The following RORA variants were observed in gnomAD, a reference collection of about 807,000 sequenced individuals.
The protein encoded by RORA is nuclear receptor ROR-alpha.
In RORA, 7 loss-of-function variants were observed where a neutral mutation model predicts 69.5. The ratio of observed to expected loss-of-function variants is 0.10; its 90% confidence interval spans 0.06 to 0.19. RORA has a LOEUF of 0.19. Among genes scored for constraint, RORA ranks in the 10% least tolerant of loss-of-function variants. The pLI, the probability that RORA is intolerant of heterozygous loss-of-function variation, is 1.00. For missense variants in RORA, 457 were observed against 663.0 expected (o/e 0.69, Z 3.41); for synonymous variants, 261 against 240.8 (o/e 1.08, Z -0.78).
intron 1 of RORA, among the ~76,000 whole-genome samples, chr15:61,045,183 T>C (rs905201248): frequency 6.6e-6 from 1 of 151,874 alleles, no homozygotes; most frequent in African/African-American, 2.4e-5. Flanking sequence ...ATCATGGGGG[T>C]GGGTCTTTCC....
intron 1 of RORA, among the ~76,000 whole-genome samples, chr15:60,991,255 A>G (rs1894367764): frequency 1.3e-5 from 2 of 149,602 alleles, no homozygotes. Flanking sequence ...TAAAGCAAGT[A>G]GAAACTGTTT....
intron 3 of RORA, among the ~76,000 whole-genome samples, chr15:60,522,448 G>A (rs533320241): frequency 6.6e-6 from 1 of 152,062 alleles, no homozygotes; most frequent in African/African-American, 2.4e-5. Flanking sequence ...AGTGGCTCAT[G>A]CCTGTAATCC....
intron 1 of RORA, among the ~76,000 whole-genome samples, chr15:60,767,705 T>C (rs1341124413): frequency 6.6e-5 from 10 of 152,232 alleles, no homozygotes; most frequent in Non-Finnish European, 1.5e-4. Flanking sequence ...TGTGTTTGTG[T>C]ATTCTATTCC....
chr15:61,195,181 T>C (rs1161357277), intron 1 of RORA, among the ~76,000 whole-genome samples: 1 of 152,140 alleles, frequency 6.6e-6, no homozygotes, highest in Non-Finnish European at 1.5e-5. Flanking sequence ...GATTTTAGGT[T>C]GTCAGCTGTT....
intron 1 of RORA, among the ~76,000 whole-genome samples, chr15:60,910,109 T>C (rs1003040741): frequency 5.9e-5 from 9 of 152,202 alleles, no homozygotes; most frequent in Admixed American, 5.9e-4. Context: ...GGTGTTTTTG[T>C]CCATAGGATG....
At chr15:61,224,577 C>T (rs2080128914) in intron 1 of RORA, among the ~76,000 whole-genome samples, 1 of 152,114 alleles carries the variant, frequency 6.6e-6, no homozygotes, top group Non-Finnish European at 1.5e-5. Flanking sequence ...AACATGGTAC[C>T]GCAAGCTCCT....
intron 2 of RORA, among the ~76,000 whole-genome samples, chr15:60,628,080 C>T (rs539880233): frequency 6.6e-6 from 1 of 152,250 alleles, no homozygotes; most frequent in Non-Finnish European, 1.5e-5. Flanking sequence ...TATTGCTTTA[C>T]TATGGTGTGT....
At chr15:60,608,212 G>A (rs1440276912) in intron 2 of RORA, among the ~76,000 whole-genome samples, 2 of 152,184 alleles carry the variant, frequency 1.3e-5, no homozygotes, top group African/African-American at 4.8e-5. Context: ...CATGGACGCG[G>A]AGCTCAGATG....
intron 1 of RORA, 103 bp downstream of exon 1, chr15:61,228,950 C>T (rs2080174449): frequency 5.5e-6 from 2 of 362,448 alleles, no homozygotes; most frequent in South Asian, 1.1e-4. Context: ...CAGGCTCGCG[C>T]GCGGCCGCCG....
At chr15:61,149,185 C>G (rs1219320709) in intron 1 of RORA, among the ~76,000 whole-genome samples, 2 of 152,210 alleles carry the variant, frequency 1.3e-5, no homozygotes, top group Non-Finnish European at 2.9e-5. Flanking sequence ...CCAGCTTCCA[C>G]CAGAAATCCA....
At chr15:60,639,272 T>C (rs1054156) in intron 2 of RORA, among the ~76,000 whole-genome samples, 95,008 of 147,684 alleles carry the variant, frequency 0.64, 31,137 homozygotes, top group East Asian at 0.83. Flanking sequence ...AAAAACCAAG[T>C]GCCATACATG....
rs556947746 is a variant in RORA, at chr15:60,511,316, T to C, written c.730A>G (p.Ile244Val). ...LDINGIKPEP[I>V]CDYTPASGFF... ...CCTGATGCTGGTGTGTAGTCACATA[T>C]TGGTTCTGGTTTGATTCCATTGATA... Residue 244 changes from isoleucine (I) to valine (V), a missense_variant, in exon 5 of 11, where the codon ATA (isoleucine) becomes GTA (valine). By Grantham distance (29) the Ile-to-Val change is conservative (BLOSUM62 3). This residue lies in a region of RORA where 304 missense variants were observed against 447.4 expected (regional missense o/e 0.68). Transcript: ENST00000335670. This position sits in a 1 kb window ranked among gnomAD's most constrained non-coding sequence, Gnocchi z 6.4. The C allele has an allele frequency of 5.0e-6, 8 of 1,614,146 alleles. No homozygotes were observed. The South Asian group carries it at 5.5e-5, about 11-fold the overall frequency.
At chr15:60,852,285 T>C (rs2073335167) in intron 1 of RORA, among the ~76,000 whole-genome samples, 1 of 152,220 alleles carries the variant, frequency 6.6e-6, no homozygotes. Context: ...ACATCATACA[T>C]GCTTTGAGCC....
intron 1 of RORA, among the ~76,000 whole-genome samples, chr15:61,112,845 G>GCT (rs1316952253): frequency 6.6e-6 from 1 of 152,240 alleles, no homozygotes; most frequent in Non-Finnish European, 1.5e-5. Context: ...GCCGTTCAGG[G>GCT]ACAGCTGGGC....
chr15:61,171,824 A>G (rs2079587776), intron 1 of RORA, among the ~76,000 whole-genome samples: 1 of 152,214 alleles, frequency 6.6e-6, no homozygotes, highest in African/African-American at 2.4e-5. Context: ...GTTGCCTTTG[A>G]AAATGAGGCA....
intron 1 of RORA, among the ~76,000 whole-genome samples, chr15:61,180,723 T>G (rs1396409024): frequency 6.6e-6 from 1 of 152,234 alleles, no homozygotes; most frequent in Admixed American, 6.5e-5. Flanking sequence ...CATGAGCACC[T>G]TGAAGGCAGG....
intron 2 of RORA, among the ~76,000 whole-genome samples, chr15:60,609,766 C>T (rs549744278): frequency 6.6e-5 from 10 of 152,276 alleles, no homozygotes; most frequent in African/African-American, 2.4e-4. Context: ...ATGAAAAGCA[C>T]AAATCATGGA....
At chr15:60,557,259 C>G (rs1433310716) in intron 2 of RORA, among the ~76,000 whole-genome samples, 1 of 152,152 alleles carries the variant, frequency 6.6e-6, no homozygotes, top group African/African-American at 2.4e-5. Context: ...TAAAATTAAC[C>G]CACTGTCTTA....
chr15:60,806,401 C>T (rs1455594188), intron 1 of RORA, among the ~76,000 whole-genome samples: 1 of 152,124 alleles, frequency 6.6e-6, no homozygotes, highest in Non-Finnish European at 1.5e-5. Flanking sequence ...TCAGGCCAGA[C>T]CAGAATGGAA....
Sources: gnomAD v4.1 joint callset for allele counts (sites outside exome capture counted in the v4.1 genomes callset) on GRCh38, gnomAD v4.1.1 for gene constraint, gnomAD v4.1.1 regional missense constraint, Gnocchi (gnomAD v3.1) non-coding constraint, MANE v1.5 for transcripts, NCBI Gene and HGNC (gene_info 2026-07-23, HGNC 2026-07-21) for gene names.